RBFOX1: variants seen among roughly 807,000 people sequenced by gnomAD.
RBFOX1 encodes the protein RNA binding fox-1 homolog 1, also known as RNA binding protein fox-1 homolog 1.
RBFOX1 carries 8 observed loss-of-function variants against 57.7 expected under a neutral mutation model. The observed-to-expected ratio is 0.14, with a 90% CI of 0.08 to 0.25. RBFOX1 has a LOEUF of 0.25. Ranked by LOEUF, RBFOX1 falls within the 10% of genes least tolerant of loss-of-function variation. The pLI is 1.00. For synonymous variants in RBFOX1, 326 were observed against 222.4 expected, an observed-to-expected ratio of 1.47 and a Z score of -4.15; for missense variants, 611 against 548.5, an observed-to-expected ratio of 1.11 and a Z score of -1.14.
At chr16:5,372,623 C>G (rs948396574) in intron 1 of RBFOX1, among the ~76,000 whole-genome samples, 2 of 152,162 alleles carry the variant, frequency 1.3e-5, no homozygotes, top group African/African-American at 4.8e-5. Context: ...TCAGGTCTCT[C>G]TACTATCGTG....
intron 4 of RBFOX1, among the ~76,000 whole-genome samples, chr16:7,135,486 C>G (rs1447402378): frequency 6.6e-6 from 1 of 152,168 alleles, no homozygotes; most frequent in African/African-American, 2.4e-5. Context: ...TCCGTGAATA[C>G]TAAGGGGTGT....
chr16:6,741,241 G>T (rs114288270), intron 3 of RBFOX1, among the ~76,000 whole-genome samples: 1 of 152,076 alleles, frequency 6.6e-6, no homozygotes, highest in Non-Finnish European at 1.5e-5. Flanking sequence ...AAAATGGATC[G>T]TAGGTTAAAT....
At chr16:5,724,240 A>C (rs560572014) in intron 3 of RBFOX1, among the ~76,000 whole-genome samples, 2 of 152,212 alleles carry the variant, frequency 1.3e-5, no homozygotes, top group Admixed American at 1.3e-4. Flanking sequence ...AAAGGCCCCA[A>C]AATAAAACCT....
intron 1 of RBFOX1, among the ~76,000 whole-genome samples, chr16:5,367,786 G>C (rs985283214): frequency 6.6e-6 from 1 of 152,154 alleles, no homozygotes; most frequent in Non-Finnish European, 1.5e-5. Flanking sequence ...CTTGCCCATG[G>C]TCCCACATCC....
intron 2 of RBFOX1, among the ~76,000 whole-genome samples, chr16:6,558,235 G>A (rs1169325816): frequency 6.6e-6 from 1 of 152,066 alleles, no homozygotes; most frequent in Admixed American, 6.6e-5. Flanking sequence ...ACTCTATGTG[G>A]CTCGTCCCCA....
At chr16:5,840,801 A>G (rs1271594400) in intron 3 of RBFOX1, among the ~76,000 whole-genome samples, 1 of 152,146 alleles carries the variant, frequency 6.6e-6, no homozygotes, top group African/African-American at 2.4e-5. Flanking sequence ...CATGGAAAAC[A>G]CACAGACAAA....
intron 1 of RBFOX1, among the ~76,000 whole-genome samples, chr16:6,298,463 A>G (rs1361457581): frequency 6.6e-6 from 1 of 152,196 alleles, no homozygotes; most frequent in African/African-American, 2.4e-5. Flanking sequence ...TTATTTGACA[A>G]AGTGTGCTTT....
chr16:5,638,601 C>G (rs567261506), intron 3 of RBFOX1, among the ~76,000 whole-genome samples: 1 of 152,312 alleles, frequency 6.6e-6, no homozygotes, highest in Non-Finnish European at 1.5e-5. Context: ...GATTGTGCCT[C>G]TACCTTCTTT....
At chr16:6,756,996 AAAC>A (rs1311300898) in intron 3 of RBFOX1, among the ~76,000 whole-genome samples, 2 of 144,952 alleles carry the variant, frequency 1.4e-5, no homozygotes, top group Non-Finnish European at 3.0e-5. Flanking sequence ...ACAAACAAAC[AAAC>A]AAACAAACAA....
In RBFOX1 at chr16:7,384,964, G is replaced by A. The variant is rs1444453894; in HGVS notation, c.28-133183G>A. Among the ~76,000 whole-genome samples the A allele has an allele frequency of 9.8e-5, 15 of 152,286 alleles. No individual in the cohort carries two copies. In the South Asian group the frequency reaches 2.9e-3, roughly 30 times the overall value. ...GCTCTAGAAAGGCTCCTATGAAGAG[G>A]TAAGTTGACATTTAAGCTGAGCTCG... is the stretch of plus-strand genomic sequence containing the variant. On this transcript the variant is annotated intron_variant, in intron 4 of 15. Coordinates refer to ENST00000550418, the MANE Select transcript of RBFOX1 (RefSeq NM_018723.4).
At chr16:7,249,319 G>C (rs1308040956) in intron 4 of RBFOX1, among the ~76,000 whole-genome samples, 1 of 151,912 alleles carries the variant, frequency 6.6e-6, no homozygotes, top group African/African-American at 2.4e-5. Context: ...TGGTGCAATA[G>C]AGAATAAATA....
At chr16:7,380,419 G>A (rs1282812858) in intron 4 of RBFOX1, among the ~76,000 whole-genome samples, 1 of 152,050 alleles carries the variant, frequency 6.6e-6, no homozygotes, top group African/African-American at 2.4e-5. Context: ...TTATGTCTAT[G>A]ACTCTGTTAC....
intron 3 of RBFOX1, among the ~76,000 whole-genome samples, chr16:6,919,066 C>T (rs1037258903): frequency 1.3e-5 from 2 of 152,226 alleles, no homozygotes; most frequent in East Asian, 1.9e-4. Flanking sequence ...CTGCAACCTC[C>T]GTTCTTGGGT....
intron 1 of RBFOX1, among the ~76,000 whole-genome samples, chr16:6,215,552 C>G (rs1448628419): frequency 5.3e-5 from 8 of 151,996 alleles, no homozygotes; most frequent in African/African-American, 1.9e-4. Flanking sequence ...CCCCCAAATC[C>G]CTTGGGACTA....
At chr16:6,003,706 A>G (rs2060643214) in intron 4 of RBFOX1, among the ~76,000 whole-genome samples, 1 of 152,196 alleles carries the variant, frequency 6.6e-6, no homozygotes, top group African/African-American at 2.4e-5. Flanking sequence ...GCCTTGGCCA[A>G]GTTCTTTAAC....
intron 1 of RBFOX1, among the ~76,000 whole-genome samples, chr16:5,354,600 C>G (rs113758982): frequency 1.3e-5 from 2 of 152,250 alleles, no homozygotes; most frequent in African/African-American, 4.8e-5. Flanking sequence ...TCTTAAGCCG[C>G]TTTTCCAGGC....
intron 4 of RBFOX1, among the ~76,000 whole-genome samples, chr16:7,160,266 TC>T (rs920626653): frequency 2.0e-4 from 31 of 152,262 alleles, no homozygotes; most frequent in African/African-American, 7.2e-4. Context: ...GGCATTGTTT[TC>T]TTCCTGTCTT....
intron 2 of RBFOX1, among the ~76,000 whole-genome samples, chr16:6,517,342 G>A (rs138433364): frequency 2.4e-4 from 36 of 152,210 alleles, no homozygotes; most frequent in African/African-American, 8.7e-4. Context: ...ATCCTGATCC[G>A]AATACATCTG....
intron 5 of RBFOX1, among the ~76,000 whole-genome samples, chr16:7,530,099 G>C (rs559289187): frequency 6.6e-6 from 1 of 151,764 alleles, no homozygotes; most frequent in East Asian, 1.9e-4. Context: ...GGATGCTTCA[G>C]TGTGACAGTG....
Sources: allele counts gnomAD v4.1 joint callset (sites outside exome capture counted in the v4.1 genomes callset), GRCh38; gene constraint gnomAD v4.1.1; transcripts MANE v1.5; gene names NCBI Gene and HGNC (gene_info 2026-07-23, HGNC 2026-07-21).